Variants in NTM observed in about 807,000 individuals in gnomAD.
NTM encodes the protein IgLON family member 2.
A neutral mutation model predicts 42.1 loss-of-function variants in NTM; 13 were observed. That is an observed-to-expected ratio of 0.31 (90% CI 0.20 to 0.49). NTM has a LOEUF of 0.49. Among genes scored for constraint, NTM ranks in the 20% least tolerant of loss-of-function variants. The pLI, the probability that NTM is intolerant of heterozygous loss-of-function variation, is 0.99. For synonymous variants in NTM, 187 were observed against 179.2 expected, an observed-to-expected ratio of 1.04 and a Z score of -0.35; for missense variants, 373 against 452.8, an observed-to-expected ratio of 0.82 and a Z score of 1.60.
At chr11:132,285,739 G>A (rs1216397119) in intron 4 of NTM, among the ~76,000 whole-genome samples, 1 of 152,172 alleles carries the variant, frequency 6.6e-6, no homozygotes, top group Non-Finnish European at 1.5e-5. Flanking sequence ...TTCTCAGGTA[G>A]GACATCAATC....
chr11:132,115,496 G>T (rs922699316), intron 2 of NTM, among the ~76,000 whole-genome samples: 5 of 152,086 alleles, frequency 3.3e-5, no homozygotes, highest in Non-Finnish European at 5.9e-5. Context: ...TAAGATTAGG[G>T]CCGAAAACAA....
At chr11:132,226,532 C>A (rs528678070) in intron 4 of NTM, among the ~76,000 whole-genome samples, 18 of 152,016 alleles carry the variant, frequency 1.2e-4, no homozygotes, top group Admixed American at 2.6e-4. Flanking sequence ...CTGTTCATAT[C>A]CTTCGCCCAC....
intron 2 of NTM, among the ~76,000 whole-genome samples, chr11:132,102,196 G>C (rs1172481813): frequency 6.6e-6 from 1 of 152,154 alleles, no homozygotes; most frequent in Non-Finnish European, 1.5e-5. Context: ...CAAAGTATCC[G>C]AACTATGACT....
intron 4 of NTM, among the ~76,000 whole-genome samples, chr11:132,291,764 T>G (rs1471465423): frequency 1.3e-5 from 2 of 152,184 alleles, no homozygotes; most frequent in East Asian, 3.9e-4. Flanking sequence ...AAGGAGTGAG[T>G]TGTCAGCTAT....
intron 1 of NTM, among the ~76,000 whole-genome samples, chr11:131,877,479 C>A (rs2048711609): frequency 6.6e-6 from 1 of 152,146 alleles, no homozygotes; most frequent in African/African-American, 2.4e-5. Context: ...CACAGAGCCG[C>A]AGAAACCCAG....
chr11:132,197,123 C>A (rs958747882), intron 3 of NTM, among the ~76,000 whole-genome samples: 5 of 152,060 alleles, frequency 3.3e-5, no homozygotes, highest in Admixed American at 6.6e-5. Context: ...TGAAATAGAC[C>A]ATGTCAGCAT....
At chr11:131,509,629 T>C (rs1375763801) in intron 1 of NTM, among the ~76,000 whole-genome samples, 4 of 152,208 alleles carry the variant, frequency 2.6e-5, no homozygotes, top group African/African-American at 9.6e-5. Context: ...GGTGAGACAG[T>C]TTATCTCCAT....
At chr11:131,910,422 CA>C (rs748538386) in intron 1 of NTM, among the ~76,000 whole-genome samples, 1 of 147,772 alleles carries the variant, frequency 6.8e-6, no homozygotes, top group African/African-American at 2.4e-5. Flanking sequence ...TGGGCTGGTG[CA>C]CAGCCTGGGC....
chr11:131,983,411 T>TGTCTCCTAGGCCAGAGTGCAGTG (rs2065582742), intron 2 of NTM, among the ~76,000 whole-genome samples: 1 of 146,930 alleles, frequency 6.8e-6, no homozygotes, highest in Non-Finnish European at 1.5e-5. Context: ...AGTCTCGCTC[T>TGTCTCCTAGGCCAGAGTGCAGTG]GTCTCCTAGG....
At chr11:131,991,313 G>A (rs1363381210) in intron 2 of NTM, among the ~76,000 whole-genome samples, 2 of 152,062 alleles carry the variant, frequency 1.3e-5, no homozygotes, top group African/African-American at 4.8e-5. Context: ...TCCACAATAA[G>A]AGAGTCTTGT....
intron 1 of NTM, among the ~76,000 whole-genome samples, chr11:131,574,250 A>G (rs2057724028): frequency 6.6e-6 from 1 of 152,104 alleles, no homozygotes; most frequent in African/African-American, 2.4e-5. Context: ...CAATTCAGGA[A>G]ATGATATCAC....
intron 1 of NTM, chr11:131,794,596 C>A: frequency 3.1e-6 from 3 of 983,084 alleles, no homozygotes; most frequent in South Asian, 4.7e-5. Context: ...GGCAATAGAC[C>A]GACACAAAAT....
intron 2 of NTM, among the ~76,000 whole-genome samples, chr11:132,040,217 T>C (rs950607989): frequency 6.6e-6 from 1 of 152,164 alleles, no homozygotes; most frequent in Admixed American, 6.5e-5. Flanking sequence ...CGCCTCTGCC[T>C]CCCAAAGTAG....
At chr11:132,320,257 T>C (rs1172238198) in intron 7 of NTM, among the ~76,000 whole-genome samples, 1 of 152,222 alleles carries the variant, frequency 6.6e-6, no homozygotes, top group Non-Finnish European at 1.5e-5. Flanking sequence ...CATTTCCATC[T>C]GAGGTACTGG....
chr11:131,916,363 G>C (rs1041164839), intron 2 of NTM, among the ~76,000 whole-genome samples: 1 of 152,244 alleles, frequency 6.6e-6, no homozygotes, highest in African/African-American at 2.4e-5. Flanking sequence ...CTAGTAAAGT[G>C]CATTCTTTCC....
chr11:132,167,642 C>G (rs945241911), intron 3 of NTM, among the ~76,000 whole-genome samples: 1 of 152,146 alleles, frequency 6.6e-6, no homozygotes, highest in Non-Finnish European at 1.5e-5. Flanking sequence ...TTTTTCCTAG[C>G]TGCACAGAGA....
intron 1 of NTM, among the ~76,000 whole-genome samples, chr11:131,891,005 A>G (rs771305434): frequency 3.3e-5 from 5 of 152,164 alleles, no homozygotes; most frequent in Admixed American, 1.3e-4. Context: ...AGAATGTGCG[A>G]ATTTGTTTAG....
intron 7 of NTM, among the ~76,000 whole-genome samples, chr11:132,320,586 G>A (rs983879823): frequency 3.3e-5 from 5 of 152,216 alleles, no homozygotes; most frequent in Admixed American, 2.0e-4. Flanking sequence ...CAAGGTGGCA[G>A]TGAGGCTGGG....
At chr11:131,842,556 A>G (rs1475793991) in intron 1 of NTM, among the ~76,000 whole-genome samples, 2 of 152,200 alleles carry the variant, frequency 1.3e-5, no homozygotes, top group African/African-American at 2.4e-5. Context: ...AAAAATGAAC[A>G]TTATCTACTA....
Sources: gnomAD v4.1 joint callset for allele counts (sites outside exome capture counted in the v4.1 genomes callset) on GRCh38, gnomAD v4.1.1 for gene constraint, MANE v1.5 for transcripts, NCBI Gene and HGNC (gene_info 2026-07-23, HGNC 2026-07-21) for gene names.